DAB1: variants seen among roughly 807,000 people sequenced by gnomAD.
The protein encoded by DAB1 is disabled homolog 1.
In DAB1, 15 loss-of-function variants were observed where a neutral mutation model predicts 64.6. The ratio of observed to expected loss-of-function variants is 0.23; its 90% CI spans 0.16 to 0.36. DAB1 has a LOEUF of 0.36. Among genes scored for constraint, DAB1 ranks in the 10% least tolerant of loss-of-function variants. DAB1 has a pLI of 1.00. For missense variants in DAB1, 596 were observed against 706.7 expected, an observed-to-expected ratio of 0.84 and a Z score of 1.78; for synonymous variants, 235 against 251.9, an observed-to-expected ratio of 0.93 and a Z score of 0.64.
chr1:57,817,652 T>C (rs1651930381), intron 6 of DAB1, among the ~76,000 whole-genome samples: 2 of 152,274 alleles, frequency 1.3e-5, no homozygotes, highest in Admixed American at 6.5e-5. Flanking sequence ...TCAAAATTAT[T>C]GATTTGAGTG....
chr1:57,202,766 A>T (rs908461232), intron 2 of DAB1, among the ~76,000 whole-genome samples: 2 of 152,200 alleles, frequency 1.3e-5, no homozygotes, highest in African/African-American at 4.8e-5. Flanking sequence ...TTTTCTGTAC[A>T]AATCAGATCA....
rs376745188 is a variant in DAB1, at chr1:58,014,146, C to T, written n.388-129984G>A. 4.6e-5 allele frequency among the ~76,000 whole-genome samples: 7 copies of T among 152,254 alleles called. 1 individual carries two copies. In the East Asian group the frequency reaches 1.2e-3, roughly 25 times the overall value. On this transcript the variant is annotated intron_variant and non_coding_transcript_variant, in intron 5 of 20. Transcript: ENST00000485760. ...AAAGCTCAGAGAAATTAGTAACTTG[C>T]TGAAGGACATGCAGCAATGAATTGG...
chr1:57,466,313 T>C (rs1423099243), intron 7 of DAB1, among the ~76,000 whole-genome samples: 2 of 152,190 alleles, frequency 1.3e-5, no homozygotes, highest in South Asian at 2.1e-4. Flanking sequence ...ATATACTGAC[T>C]AGAGTATTTC....
chr1:58,402,645 G>C (rs1051339031), intron 3 of DAB1, among the ~76,000 whole-genome samples: 5 of 151,942 alleles, frequency 3.3e-5, no homozygotes, highest in African/African-American at 1.2e-4. Context: ...AGGGAAAGGA[G>C]GAGGGGGGGA....
rs570995995 is a variant in DAB1, at chr1:58,451,804, A to C, written n.257+54256T>G. Among the ~76,000 whole-genome samples the C allele has an allele frequency of 7.2e-5, 11 of 152,356 alleles. No individual in the cohort carries two copies. The East Asian group carries it at 2.1e-3, about 29-fold the overall frequency. ...GCAATAGAAAACAAACGACAAGTTA[A>C]GACTGGAAGAAAATATTTGCAGCTC... is the stretch of plus-strand genomic sequence containing the variant. On this transcript the variant is annotated intron_variant and non_coding_transcript_variant, in intron 3 of 20. Coordinates refer to the DAB1 transcript ENST00000485760.
intron 1 of DAB1, among the ~76,000 whole-genome samples, chr1:57,392,543 A>G (rs544843579): frequency 6.6e-6 from 1 of 152,266 alleles, no homozygotes; most frequent in East Asian, 1.9e-4. Flanking sequence ...ACGAGGAAAA[A>G]CCTTAAACCA....
intron 5 of DAB1, among the ~76,000 whole-genome samples, chr1:58,072,707 G>T (rs1482671600): frequency 6.6e-6 from 1 of 152,206 alleles, no homozygotes; most frequent in Non-Finnish European, 1.5e-5. Flanking sequence ...ATATGATCAT[G>T]CAAAATCTCT....
At chr1:57,429,039 A>C (rs186608179), upstream of DAB1, among the ~76,000 whole-genome samples, 10 of 151,960 alleles carry the variant, frequency 6.6e-5, no homozygotes, top group Non-Finnish European at 8.8e-5. Context: ...CAGCCTCCCA[A>C]GTATCTTGGG....
At chr1:57,303,130 T>C (rs191143686) in intron 1 of DAB1, among the ~76,000 whole-genome samples, 4 of 152,242 alleles carry the variant, frequency 2.6e-5, no homozygotes, top group Admixed American at 2.6e-4. Context: ...TCCTGAGATT[T>C]AGATGACATT....
chr1:57,374,292 A>G (rs1229238046), intron 1 of DAB1, among the ~76,000 whole-genome samples: 3 of 152,256 alleles, frequency 2.0e-5, no homozygotes, highest in African/African-American at 7.2e-5. Flanking sequence ...AGAAGGTATT[A>G]TGATATAGAT....
chr1:57,241,064 A>C (rs946461630), intron 2 of DAB1, among the ~76,000 whole-genome samples: 2 of 152,198 alleles, frequency 1.3e-5, no homozygotes, highest in African/African-American at 4.8e-5. Flanking sequence ...AAGAATGAAA[A>C]CTAGGGATGA....
At chr1:57,113,378 G>C (rs187045597) in intron 4 of DAB1, among the ~76,000 whole-genome samples, 26 of 152,210 alleles carry the variant, frequency 1.7e-4, no homozygotes, top group African/African-American at 6.0e-4. Flanking sequence ...TTCTCAGATG[G>C]GGAAATTGAG....
Position 57,014,918 on chromosome 1 carries a change from G to C in DAB1, c.1409C>G (p.Thr470Ser). 6 of 1,599,162 alleles carry C rather than the reference G, an allele frequency of 3.8e-6. No individual in the cohort carries two copies. The highest frequency in any genetic ancestry group is 1.7e-5 in the Admixed American group (1 of 59,134). The change falls in exon 12 of 15, where the codon ACC becomes AGC. Residue 470 changes from threonine to serine, a missense_variant. Thr to Ser is a moderately conservative substitution (Grantham distance 58, BLOSUM62 1). Coordinates refer to ENST00000371236, the MANE Select transcript of DAB1 (RefSeq NM_001365792.1). ...DDFDISQLNLTPVTSTTPSTN... is the reference protein window; with the variant it reads ...DDFDISQLNLSPVTSTTPSTN... ...CGATGGTGTGGTAGAAGTCACAGGG[G>C]TCAAATTCAACTGGGAGATGTCAAA...
At chr1:58,227,630 G>C (rs1659560007) in intron 4 of DAB1, among the ~76,000 whole-genome samples, 1 of 152,080 alleles carries the variant, frequency 6.6e-6, no homozygotes, top group Non-Finnish European at 1.5e-5. Context: ...GAAAGTTAGG[G>C]GAGAGACAAT....
intron 1 of DAB1, among the ~76,000 whole-genome samples, chr1:57,318,507 A>G (rs1327496761): frequency 6.6e-6 from 1 of 152,116 alleles, no homozygotes; most frequent in African/African-American, 2.4e-5. Flanking sequence ...AGCCTTCGAG[A>G]ATCAGATCAA....
chr1:57,249,614 C>T (rs1669168382), intron 2 of DAB1, among the ~76,000 whole-genome samples: 1 of 152,188 alleles, frequency 6.6e-6, no homozygotes, highest in Admixed American at 6.5e-5. Context: ...TCAAGCCATC[C>T]ACCCGCCTTG....
At chr1:57,956,684 C>T (rs1316274182) in intron 5 of DAB1, among the ~76,000 whole-genome samples, 3 of 152,170 alleles carry the variant, frequency 2.0e-5, no homozygotes, top group East Asian at 1.9e-4. Flanking sequence ...TTCATTCCGA[C>T]GGAGTTCGAC....
intron 5 of DAB1, among the ~76,000 whole-genome samples, chr1:57,960,403 C>T (rs897599276): frequency 3.3e-5 from 5 of 151,262 alleles, no homozygotes; most frequent in Non-Finnish European, 7.4e-5. Flanking sequence ...TGACATGGTG[C>T]TTGGTACATT....
intron 2 of DAB1, among the ~76,000 whole-genome samples, chr1:57,211,288 G>T (rs533751499): frequency 6.6e-6 from 1 of 152,260 alleles, no homozygotes; most frequent in South Asian, 2.1e-4. Flanking sequence ...AAACTGCTGC[G>T]GTCTGGTGGG....
Sources: allele counts gnomAD v4.1 joint callset (sites outside exome capture counted in the v4.1 genomes callset), GRCh38; gene constraint gnomAD v4.1.1; transcripts MANE v1.5; gene names NCBI Gene and HGNC (gene_info 2026-07-23, HGNC 2026-07-21).